SLC2A13: variants seen among roughly 807,000 people sequenced by gnomAD.
The protein encoded by SLC2A13 is solute carrier family 2 member 13, also known as proton myo-inositol cotransporter.
SLC2A13 carries 32 observed loss-of-function variants against 64.4 expected under a neutral mutation model. The observed-to-expected ratio is 0.50, with a 90% CI of 0.37 to 0.67. The LOEUF (loss-of-function observed/expected upper bound fraction) is 0.67, where lower values mean the gene tolerates loss of function less well. SLC2A13 is among the 30% of genes least tolerant of loss of function. The pLI, the probability that SLC2A13 is intolerant of heterozygous loss-of-function variation, is 0.00. For missense variants in SLC2A13, 743 were observed against 829.2 expected (o/e 0.90, Z 1.28); for synonymous variants, 338 against 327.1 (o/e 1.03, Z -0.36).
chr12:39,795,434 T>C (rs758537267), intron 7 of SLC2A13, among the ~76,000 whole-genome samples: 13 of 152,218 alleles, frequency 8.5e-5, no homozygotes, highest in Non-Finnish European at 1.6e-4. Flanking sequence ...TTTTTAAATA[T>C]CTTAAACACA....
intron 1 of SLC2A13, chr12:40,068,735 T>G (rs1384520407): frequency 1.3e-5 from 2 of 150,804 alleles, no homozygotes; most frequent in Admixed American, 1.3e-4. Flanking sequence ...TTATAAATTT[T>G]CCCATAAATT....
chr12:39,976,669 A>G (rs1266882147), intron 3 of SLC2A13, among the ~76,000 whole-genome samples: 2 of 151,988 alleles, frequency 1.3e-5, no homozygotes, highest in African/African-American at 4.8e-5. Flanking sequence ...AGTAGCTTGG[A>G]TTACAGGAGT....
chr12:39,958,432 T>C (rs1324392027), intron 3 of SLC2A13, among the ~76,000 whole-genome samples: 1 of 152,192 alleles, frequency 6.6e-6, no homozygotes, highest in African/African-American at 2.4e-5. Flanking sequence ...AGTAGTACTA[T>C]CCATTTGAGG....
intron 6 of SLC2A13, among the ~76,000 whole-genome samples, chr12:39,850,557 A>G (rs551059430): frequency 1.4e-3 from 215 of 152,344 alleles, no homozygotes; most frequent in African/African-American, 5.1e-3. Flanking sequence ...TTATATGAAC[A>G]TGAAAATAAA....
intron 3 of SLC2A13, among the ~76,000 whole-genome samples, chr12:39,989,658 T>G (rs1421440184): frequency 6.6e-6 from 1 of 152,220 alleles, no homozygotes; most frequent in Non-Finnish European, 1.5e-5. Flanking sequence ...GATTCAGGCT[T>G]GACTGACATG....
At chr12:40,081,128 TTTAATA>T (rs1938383060) in intron 1 of SLC2A13, among the ~76,000 whole-genome samples, 1 of 152,216 alleles carries the variant, frequency 6.6e-6, no homozygotes, top group Non-Finnish European at 1.5e-5. Context: ...TTGATCTGCC[TTTAATA>T]TTTTTTCTTT....
chr12:39,769,819 C>G lies in SLC2A13; in HGVS notation c.1446-4961G>C, dbSNP rs1940497600. 2.0e-5 allele frequency among the ~76,000 whole-genome samples: 3 copies of G among 152,008 alleles called. 1 individual carries two copies. In the South Asian group the frequency reaches 6.2e-4, roughly 32 times the overall value. ...TACCAGAAGTTTATACTCACGAGCT[C>G]TACCTGACTACACAATCCTTCTTTC... is the stretch of plus-strand genomic sequence containing the variant. On this transcript the variant is annotated intron_variant, in intron 7 of 9. Coordinates refer to ENST00000280871, the MANE Select transcript of SLC2A13 (RefSeq NM_052885.4).
chr12:39,871,575 T>C (rs1944057484), intron 5 of SLC2A13, among the ~76,000 whole-genome samples: 1 of 152,188 alleles, frequency 6.6e-6, no homozygotes, highest in Non-Finnish European at 1.5e-5. Flanking sequence ...ATCCAAATTA[T>C]TCTTGCAGTT....
chr12:40,063,895 C>A (rs1265565944), intron 1 of SLC2A13, among the ~76,000 whole-genome samples: 1 of 151,960 alleles, frequency 6.6e-6, no homozygotes, highest in East Asian at 1.9e-4. Flanking sequence ...TTATTTTTCT[C>A]CAGTGATTTT....
At chr12:39,949,765 A>G (rs1946197514) in intron 4 of SLC2A13, 1 of 152,226 alleles carries the variant, frequency 6.6e-6, no homozygotes, top group Non-Finnish European at 1.5e-5. Context: ...TCAAAACCAG[A>G]ACAAATATTA....
intron 5 of SLC2A13, among the ~76,000 whole-genome samples, chr12:39,871,409 T>C (rs1944050657): frequency 6.6e-6 from 1 of 152,122 alleles, no homozygotes; most frequent in South Asian, 2.1e-4. Context: ...TTAATTCCAT[T>C]GTATGTCAAA....
chr12:40,097,932 T>C lies in SLC2A13; in HGVS notation c.556+7321A>G, dbSNP rs556923252. Among the ~76,000 whole-genome samples the C allele has an allele frequency of 9.5e-4, 144 of 152,180 alleles. 1 individual carries two copies. The highest frequency in any genetic ancestry group is 3.2e-3 in the African/African-American group (131 of 41,526). The stretch of plus-strand genomic sequence containing the variant: ...AGAGATGTATGCACTCCCATCTTCA[T>C]TGCAGCATTATCCACAACAGCCAAG... On this transcript the variant is annotated intron_variant, in intron 1 of 9. Coordinates refer to ENST00000280871, the MANE Select transcript of SLC2A13 (RefSeq NM_052885.4).
chr12:39,888,848 C>G (rs991848420), intron 4 of SLC2A13, among the ~76,000 whole-genome samples: 2 of 152,116 alleles, frequency 1.3e-5, no homozygotes, highest in African/African-American at 4.8e-5. Flanking sequence ...ACACATACTA[C>G]TATGATTTGA....
At chr12:39,786,564 G>A (rs887031824) in intron 7 of SLC2A13, among the ~76,000 whole-genome samples, 1 of 152,308 alleles carries the variant, frequency 6.6e-6, no homozygotes, top group East Asian at 1.9e-4. Flanking sequence ...TGCATTCTAA[G>A]CAGGCCCTTG....
chr12:39,895,551 TACAC>T lies in SLC2A13; in HGVS notation c.1035-23594_1035-23591del, dbSNP rs1183911411. Among the ~76,000 whole-genome samples, 144 of 66,762 alleles carry T rather than the reference TACAC, an allele frequency of 2.2e-3. 1 individual carries two copies. Among genetic ancestry groups the T allele is most frequent in the Middle Eastern group, 9.4e-3 (1 of 106 alleles). 43.8% of individuals were successfully genotyped at this position (66,762 alleles called of 152,430 possible). ...ATATATATATATATATATATATATATACACACACACACACACGTGTATATGTATA... is the reference window on the plus strand; with the variant it reads ...ATATATATATATATATATATATATATACACACACACACGTGTATATGTATA... On this transcript the variant is annotated intron_variant, in intron 4 of 9. Coordinates refer to ENST00000280871, the MANE Select transcript of SLC2A13 (RefSeq NM_052885.4).
chr12:39,960,286 A>T (rs1176540602), intron 3 of SLC2A13, among the ~76,000 whole-genome samples: 1 of 152,126 alleles, frequency 6.6e-6, no homozygotes, highest in Non-Finnish European at 1.5e-5. Context: ...ATTTTGGTGA[A>T]CTCTATTAAT....
In SLC2A13 at chr12:39,864,752, G is replaced by A; in HGVS notation, c.1319+10C>T. On this transcript the variant is annotated intron_variant, in intron 6 of 9. Coordinates refer to ENST00000280871, the MANE Select transcript of SLC2A13 (RefSeq NM_052885.4). The stretch of plus-strand genomic sequence containing the variant: ...TCATGTAAAGGAAGAAGAACATAAT[G>A]GAATCTCACCTGTATCTTGTGCAAG... 1 of 1,612,004 alleles carries A rather than the reference G, an allele frequency of 6.2e-7. No homozygotes were observed. The highest frequency in any genetic ancestry group is 8.5e-7 in the Non-Finnish European group (1 of 1,179,238).
At chr12:40,058,525 TA>T (rs1252334374) in intron 1 of SLC2A13, among the ~76,000 whole-genome samples, 1 of 151,972 alleles carries the variant, frequency 6.6e-6, no homozygotes, top group Non-Finnish European at 1.5e-5. Flanking sequence ...TCACTAAAGA[TA>T]AAAGGGAATG....
intron 7 of SLC2A13, among the ~76,000 whole-genome samples, chr12:39,770,436 T>C (rs1940520813): frequency 6.6e-6 from 1 of 152,154 alleles, no homozygotes; most frequent in Non-Finnish European, 1.5e-5. Flanking sequence ...CCATATTCAT[T>C]CAAAAGCTTA....
Sources: allele counts gnomAD v4.1 joint callset (sites outside exome capture counted in the v4.1 genomes callset), GRCh38; gene constraint gnomAD v4.1.1; transcripts MANE v1.5; gene names NCBI Gene and HGNC (gene_info 2026-07-23, HGNC 2026-07-21).